RSU1: variants seen among roughly 807,000 people sequenced by gnomAD.
The protein encoded by RSU1 is rsu-1.
A neutral mutation model predicts 31.1 loss-of-function variants in RSU1; 26 were observed. The ratio of observed to expected loss-of-function variants is 0.84; its 90% confidence interval spans 0.61 to 1.16. The LOEUF (loss-of-function observed/expected upper bound fraction) is 1.16, where lower values mean the gene tolerates loss of function less well. Among genes scored for constraint, RSU1 ranks in the 50% most tolerant of loss-of-function variants. The pLI is 0.00. For missense variants in RSU1, 320 were observed against 339.1 expected (o/e 0.94, Z 0.44); for synonymous variants, 164 against 136.3 (o/e 1.20, Z -1.41).
At chr10:16,685,472 T>C (rs1835424532) in intron 8 of RSU1, among the ~76,000 whole-genome samples, 1 of 152,070 alleles carries the variant, frequency 6.6e-6, no homozygotes, top group African/African-American at 2.4e-5. Context: ...CCCATTTTTA[T>C]GGTTATTTCT....
intron 8 of RSU1, among the ~76,000 whole-genome samples, chr10:16,594,834 G>A (rs1162803258): frequency 6.8e-6 from 1 of 147,724 alleles, no homozygotes; most frequent in Non-Finnish European, 1.5e-5. Context: ...GCCCAGGCTG[G>A]AGTGCAGTGG....
At chr10:16,718,871 C>T (rs1836197566) in intron 7 of RSU1, among the ~76,000 whole-genome samples, 1 of 151,570 alleles carries the variant, frequency 6.6e-6, no homozygotes, top group South Asian at 2.1e-4. Context: ...ATCCCAGCTA[C>T]TCGAAAGGCT....
rs115985977 is a variant in RSU1 at position 16,799,029 on chromosome 10, C to T, written c.110-16945G>A. ...TATAAGCTTCAGACAATCAAAATAA[C>T]TAGAGATACATTGTCCTAAGGACTC... On this transcript the variant is annotated intron_variant, in intron 2 of 8. Transcript: ENST00000345264. Among the ~76,000 whole-genome samples, 1,362 of 152,118 alleles carry T rather than the reference C, an allele frequency of 9.0e-3. 13 individuals are homozygous for T. The highest frequency in any genetic ancestry group is 0.031 in the African/African-American group (1,280 of 41,516).
chr10:16,812,546 G>A (rs755563283), intron 2 of RSU1, among the ~76,000 whole-genome samples: 1 of 152,110 alleles, frequency 6.6e-6, no homozygotes, highest in Non-Finnish European at 1.5e-5. Context: ...AAAGAAGGTC[G>A]ACATGGATAG....
chr10:16,640,839 C>T (rs1173789191), intron 8 of RSU1, among the ~76,000 whole-genome samples: 2 of 152,220 alleles, frequency 1.3e-5, no homozygotes, highest in African/African-American at 4.8e-5. Context: ...ATTTATGAAG[C>T]TCCCTGTCTT....
intron 8 of RSU1, among the ~76,000 whole-genome samples, chr10:16,614,602 G>C (rs918165520): frequency 2.6e-5 from 4 of 152,098 alleles, no homozygotes; most frequent in Admixed American, 2.6e-4. Context: ...CTGAGCCACA[G>C]TATCTCATAT....
intron 8 of RSU1, among the ~76,000 whole-genome samples, chr10:16,630,947 G>A (rs187521460): frequency 6.6e-6 from 1 of 152,280 alleles, no homozygotes; most frequent in Admixed American, 6.5e-5. Context: ...TGCGAGCAAG[G>A]GTTTGGGTAG....
At chr10:16,685,117 G>T (rs1264008650) in intron 8 of RSU1, among the ~76,000 whole-genome samples, 2 of 152,162 alleles carry the variant, frequency 1.3e-5, no homozygotes, top group Non-Finnish European at 2.9e-5. Flanking sequence ...GGGCATGGTA[G>T]TGTGTGCCTG....
intron 8 of RSU1, among the ~76,000 whole-genome samples, chr10:16,689,676 C>G (rs1230044154): frequency 6.6e-6 from 1 of 152,152 alleles, no homozygotes; most frequent in Non-Finnish European, 1.5e-5. Flanking sequence ...GGTTTCCCAC[C>G]ATTCACCAAA....
chr10:16,651,472 A>G (rs1166149600), intron 8 of RSU1, among the ~76,000 whole-genome samples: 1 of 152,160 alleles, frequency 6.6e-6, no homozygotes, highest in Non-Finnish European at 1.5e-5. Flanking sequence ...TTTCCCTGCT[A>G]TTTTTATTTT....
At chr10:16,807,422 C>T (rs887026598) in intron 2 of RSU1, among the ~76,000 whole-genome samples, 2 of 152,196 alleles carry the variant, frequency 1.3e-5, no homozygotes, top group Non-Finnish European at 2.9e-5. Flanking sequence ...ATTTCCCCAA[C>T]ACAATCTTTT....
intron 7 of RSU1, among the ~76,000 whole-genome samples, chr10:16,741,172 T>C (rs905370132): frequency 2.2e-4 from 34 of 152,238 alleles, no homozygotes; most frequent in Admixed American, 4.6e-4. Context: ...CTGCTGTCAA[T>C]TGGTTGTTGA....
chr10:16,806,835 C>A (rs1365518538), intron 2 of RSU1, among the ~76,000 whole-genome samples: 1 of 152,136 alleles, frequency 6.6e-6, no homozygotes, highest in East Asian at 1.9e-4. Context: ...CCCACTGGAG[C>A]CTCTACCTCC....
At chr10:16,638,008 C>G (rs1834375463) in intron 8 of RSU1, among the ~76,000 whole-genome samples, 1 of 152,170 alleles carries the variant, frequency 6.6e-6, no homozygotes, top group Admixed American at 6.5e-5. Context: ...TTTTATGGTA[C>G]TTTCCAGCTT....
intron 8 of RSU1, among the ~76,000 whole-genome samples, chr10:16,593,871 C>T (rs555535132): frequency 2.0e-5 from 3 of 152,332 alleles, no homozygotes; most frequent in Non-Finnish European, 4.4e-5. Flanking sequence ...GAGCATGATG[C>T]TTGGCCCGAA....
chr10:16,785,293 G>A (rs1403513120), intron 2 of RSU1, among the ~76,000 whole-genome samples: 2 of 151,872 alleles, frequency 1.3e-5, no homozygotes, highest in African/African-American at 4.8e-5. Flanking sequence ...CTTCACCTTT[G>A]GAACTTGGAC....
At chr10:16,725,111 T>C (rs569343190) in intron 7 of RSU1, among the ~76,000 whole-genome samples, 5 of 152,256 alleles carry the variant, frequency 3.3e-5, no homozygotes, top group Admixed American at 3.3e-4. Context: ...AGTTTTGGCA[T>C]GTTGATCATT....
At chr10:16,604,560 C>T (rs1161221441) in intron 8 of RSU1, among the ~76,000 whole-genome samples, 1 of 152,142 alleles carries the variant, frequency 6.6e-6, no homozygotes, top group African/African-American at 2.4e-5. Flanking sequence ...CCTCCATGCC[C>T]CTGATCCCAA....
chr10:16,677,713 C>A (rs1157449173), intron 8 of RSU1, among the ~76,000 whole-genome samples: 10 of 152,160 alleles, frequency 6.6e-5, no homozygotes, highest in African/African-American at 2.4e-4. Flanking sequence ...GAAGCAGAGA[C>A]TGTCTTCAGA....
Sources: gnomAD v4.1 joint callset for allele counts (sites outside exome capture counted in the v4.1 genomes callset) on GRCh38, gnomAD v4.1.1 for gene constraint, MANE v1.5 for transcripts, NCBI Gene and HGNC (gene_info 2026-07-23, HGNC 2026-07-21) for gene names.